DACH1: variants seen among roughly 807,000 people sequenced by gnomAD.
The protein encoded by DACH1 is dachshund family transcription factor 1.
In DACH1, 12 loss-of-function variants were observed where a neutral mutation model predicts 54.2. The observed-to-expected ratio is 0.22, with a 90% CI of 0.14 to 0.36. The LOEUF is 0.36. DACH1 is among the 10% of genes least tolerant of loss of function. The pLI is 1.00. For missense variants in DACH1, 805 were observed against 929.8 expected (o/e 0.87, Z 1.75); for synonymous variants, 386 against 366.2 (o/e 1.05, Z -0.62).
intron 2 of DACH1, among the ~76,000 whole-genome samples, chr13:71,636,515 A>G (rs1877495120): frequency 6.6e-6 from 1 of 150,770 alleles, no homozygotes; most frequent in African/African-American, 2.4e-5. Flanking sequence ...GACTTTAAAA[A>G]TCTTTTCTAA....
chr13:71,612,342 C>T (rs1875397232), intron 3 of DACH1, among the ~76,000 whole-genome samples: 1 of 151,990 alleles, frequency 6.6e-6, no homozygotes, highest in African/African-American at 2.4e-5. Context: ...ACTTTCCATT[C>T]CAAACGGCTG....
chr13:71,608,551 C>T (rs1471823867), intron 3 of DACH1, among the ~76,000 whole-genome samples: 1 of 152,022 alleles, frequency 6.6e-6, no homozygotes, highest in Non-Finnish European at 1.5e-5. Flanking sequence ...ATAAACTTTA[C>T]TCTCAAGTCC....
intron 2 of DACH1, among the ~76,000 whole-genome samples, chr13:71,634,129 T>C (rs371235173): frequency 4.5e-4 from 69 of 152,044 alleles, no homozygotes; most frequent in African/African-American, 1.5e-3. Flanking sequence ...CCCACCACCA[T>C]GCCTAGCTCA....
chr13:71,863,712 C>G (rs191384267), intron 1 of DACH1, among the ~76,000 whole-genome samples: 2 of 151,792 alleles, frequency 1.3e-5, no homozygotes, highest in South Asian at 4.2e-4. Flanking sequence ...GGGAATAAAT[C>G]GAGTTTAACA....
chr13:71,773,149 C>T (rs1390647622), intron 1 of DACH1, among the ~76,000 whole-genome samples: 2 of 151,850 alleles, frequency 1.3e-5, no homozygotes, highest in East Asian at 3.9e-4. Context: ...GTAGAAATAA[C>T]AATAGTTACA....
At chr13:71,461,981 C>G (rs1253506376) in intron 10 of DACH1, among the ~76,000 whole-genome samples, 1 of 151,860 alleles carries the variant, frequency 6.6e-6, no homozygotes, top group Non-Finnish European at 1.5e-5. Flanking sequence ...TTAAACATAG[C>G]ACACCTGAAT....
chr13:71,498,688 C>T (rs1298226504), intron 6 of DACH1, among the ~76,000 whole-genome samples: 2 of 150,062 alleles, frequency 1.3e-5, no homozygotes, highest in African/African-American at 2.5e-5. Context: ...TGGCAAGAAA[C>T]GGGCACTGAA....
intron 6 of DACH1, among the ~76,000 whole-genome samples, chr13:71,548,935 A>G (rs1883631913): frequency 1.3e-5 from 2 of 152,040 alleles, no homozygotes; most frequent in African/African-American, 4.8e-5. Flanking sequence ...AAAAAGAAAG[A>G]AAGAAAAAGA....
intron 3 of DACH1, among the ~76,000 whole-genome samples, chr13:71,598,037 T>G (rs1318556154): frequency 3.5e-5 from 5 of 144,008 alleles, no homozygotes; most frequent in African/African-American, 1.3e-4. Flanking sequence ...CCCAGAGGGC[T>G]CCTCTCCACT....
At chr13:71,665,140 G>A (rs1181861985) in intron 2 of DACH1, among the ~76,000 whole-genome samples, 3 of 151,788 alleles carry the variant, frequency 2.0e-5, no homozygotes, top group Non-Finnish European at 2.9e-5. Context: ...TATTTATAAC[G>A]TTCAGAAATA....
At chr13:71,561,758 T>A (rs956982956) in intron 4 of DACH1, among the ~76,000 whole-genome samples, 2 of 152,130 alleles carry the variant, frequency 1.3e-5, no homozygotes, top group Non-Finnish European at 2.9e-5. Flanking sequence ...GATTTTAATA[T>A]GGAACCAAGA....
intron 2 of DACH1, among the ~76,000 whole-genome samples, chr13:71,673,387 A>G (rs979824706): frequency 6.6e-6 from 1 of 152,120 alleles, no homozygotes; most frequent in Admixed American, 6.5e-5. Flanking sequence ...TCATCATAAC[A>G]AGAGCTATAT....
At chr13:71,580,122 A>T (rs991420790) in intron 3 of DACH1, among the ~76,000 whole-genome samples, 11 of 152,234 alleles carry the variant, frequency 7.2e-5, no homozygotes, top group Non-Finnish European at 1.3e-4. Flanking sequence ...ATTTGATTAC[A>T]GATAAAGGAC....
In DACH1 at chr13:71,679,620, T is replaced by C. The variant is rs150710777; in HGVS notation, c.964+2175A>G. On this transcript the variant is annotated intron_variant, in intron 2 of 10. Coordinates refer to ENST00000613252, the MANE Select transcript of DACH1 (RefSeq NM_080759.6). The stretch of plus-strand genomic sequence containing the variant: ...AAAAAAACATCAGAAACATGGTTCA[T>C]TGAGAGATTAATTATGTCACAAAGA... Among the ~76,000 whole-genome samples, 6 of 152,152 alleles carry C rather than the reference T, an allele frequency of 3.9e-5. No individual in the cohort carries two copies. In the East Asian group the frequency reaches 5.8e-4, roughly 15 times the overall value.
At chr13:71,795,635 G>T (rs182219335) in intron 1 of DACH1, among the ~76,000 whole-genome samples, 1 of 152,266 alleles carries the variant, frequency 6.6e-6, no homozygotes, top group East Asian at 1.9e-4. Flanking sequence ...TGGTCCAGGG[G>T]CAGTATGTGC....
intron 6 of DACH1, among the ~76,000 whole-genome samples, chr13:71,542,081 C>T (rs898017341): frequency 6.6e-6 from 1 of 151,700 alleles, no homozygotes; most frequent in African/African-American, 2.4e-5. Flanking sequence ...AACTCCTTCA[C>T]TATTAAAAAT....
At chr13:71,506,091 T>C (rs949954721) in intron 6 of DACH1, among the ~76,000 whole-genome samples, 4 of 152,040 alleles carry the variant, frequency 2.6e-5, no homozygotes, top group African/African-American at 9.7e-5. Flanking sequence ...AATAAAAATA[T>C]TACATTTACA....
chr13:71,608,442 C>A (rs1409646222), intron 3 of DACH1, among the ~76,000 whole-genome samples: 1 of 151,956 alleles, frequency 6.6e-6, no homozygotes, highest in Non-Finnish European at 1.5e-5. Context: ...AGCTTCTGAC[C>A]TTACTAGACT....
rs1051784127 is a variant in DACH1, at chr13:71,811,599, A to G, written c.848+54323T>C. ...CTCAACACGAGGAAACTATGGAGAA[A>G]CTCTTGGAATAAGTATTAAGTATAC... On this transcript the variant is annotated intron_variant, in intron 1 of 10. Coordinates refer to ENST00000613252, the MANE Select transcript of DACH1 (RefSeq NM_080759.6). 3.3e-5 allele frequency among the ~76,000 whole-genome samples: 5 copies of G among 152,192 alleles called. No individual in the cohort carries two copies. In the East Asian group the frequency reaches 9.7e-4, roughly 29 times the overall value.
Sources: gnomAD v4.1 joint callset for allele counts (sites outside exome capture counted in the v4.1 genomes callset) on GRCh38, gnomAD v4.1.1 for gene constraint, MANE v1.5 for transcripts, NCBI Gene and HGNC (gene_info 2026-07-23, HGNC 2026-07-21) for gene names.